The following CCR6 variants were observed in gnomAD, a reference collection of about 807,000 sequenced individuals.
CCR6 encodes C-C chemokine receptor type 6.
CCR6 carries 2 observed loss-of-function variants against 3.0 expected under a neutral mutation model. The ratio of observed to expected loss-of-function variants is 0.66; its 90% CI spans 0.27 to 2.07. CCR6 has a LOEUF of 2.07. CCR6 is among the 30% of genes most tolerant of loss of function. The pLI is 0.14. For missense variants in CCR6, 322 were observed against 462.8 expected, an observed-to-expected ratio of 0.70 and a Z score of 2.79; for synonymous variants, 193 against 184.3, an observed-to-expected ratio of 1.05 and a Z score of -0.38.
At chr6:167,126,027 G>C (rs1159002817) in intron 1 of CCR6, among the ~76,000 whole-genome samples, 6 of 152,132 alleles carry the variant, frequency 3.9e-5, no homozygotes, top group African/African-American at 1.4e-4. Context: ...TGAGATCCTA[G>C]TACATTTGCA....
intron 1 of CCR6, among the ~76,000 whole-genome samples, chr6:167,114,587 C>T (rs1781465660): frequency 6.6e-6 from 1 of 152,250 alleles, no homozygotes; most frequent in Non-Finnish European, 1.5e-5. Context: ...CAAACCCTGG[C>T]ACGGAGATGA....
intron 1 of CCR6, among the ~76,000 whole-genome samples, chr6:167,116,397 G>A (rs1781494012): frequency 6.6e-6 from 1 of 152,058 alleles, no homozygotes; most frequent in African/African-American, 2.4e-5. Context: ...GACCTTTCTG[G>A]CTTGACACCC....
Position 167,138,354 on chromosome 6 carries a change from A to G in CCR6, c.*999A>G, listed in dbSNP as rs1013317184. 14 of 152,114 alleles carry G rather than the reference A, an allele frequency of 9.2e-5. No homozygotes were observed. Among genetic ancestry groups the G allele is most frequent in the African/African-American group, 3.4e-4 (14 of 41,362 alleles). 9.4% of individuals were successfully genotyped at this position (152,114 alleles called of 1,614,324 possible). ...AAGCAACTTTACTGAGACAATGTAG[A>G]AAGAAGTTTTGTTCCGTTTCTTTAA... On this transcript the variant is annotated 3_prime_UTR_variant, in exon 3 of 3. Coordinates refer to ENST00000341935, the MANE Select transcript of CCR6 (RefSeq NM_031409.4).
upstream of CCR6, among the ~76,000 whole-genome samples, chr6:167,120,231 G>C (rs530054003): frequency 1.3e-5 from 2 of 152,210 alleles, no homozygotes; most frequent in Middle Eastern, 3.4e-3. Context: ...GGCTCGATTG[G>C]GCTGGGGGAC....
At chr6:167,126,940 C>T (rs1781676825) in intron 1 of CCR6, among the ~76,000 whole-genome samples, 1 of 152,266 alleles carries the variant, frequency 6.6e-6, no homozygotes, top group Admixed American at 6.5e-5. Flanking sequence ...TTGTCAGTTT[C>T]CTGAGGCCTC....
rs1781858500 is a variant in CCR6 at position 167,136,917 on chromosome 6, C to T, written c.687C>T (p.Phe229=). ...TTGGTTTCTTTATCCCTTTGATGTTCATGATATTTTGTTACACGTTCATTG... is the reference window on the plus strand; with the variant it reads ...TTGGTTTCTTTATCCCTTTGATGTTTATGATATTTTGTTACACGTTCATTG... The part of the protein sequence containing the change: ...LLFGFFIPLM[F]MIFCYTFIVK... The change falls in exon 3 of 3, where the codon TTC becomes TTT. Residue 229 remains phenylalanine, a synonymous_variant. Coordinates refer to ENST00000341935, the MANE Select transcript of CCR6 (RefSeq NM_031409.4). This position sits in a 1 kb window ranked among gnomAD's most constrained non-coding sequence, Gnocchi z 4.6. 6.8e-6 allele frequency: 11 copies of T among 1,614,072 alleles called. No homozygotes were observed. The highest frequency in any genetic ancestry group is 9.3e-6 in the Non-Finnish European group (11 of 1,180,044).
Position 167,136,403 on chromosome 6 carries a change from T to C in CCR6, c.173T>C (p.Val58Ala). Residue 58 changes from valine (V) to alanine (A), a missense_variant, in exon 3 of 3, where the codon GTC (valine) becomes GCC (alanine). Transcript: ENST00000341935. This position sits in a 1 kb window ranked among gnomAD's most constrained non-coding sequence, Gnocchi z 4.6. ...CCGATTGCCTACTCCTTGATCTGTG[T>C]CTTTGGCCTCCTGGGGAATATTCTG... ...FVPIAYSLIC[V>A]FGLLGNILVV... is the part of the protein sequence containing the mutation. 1 of 1,614,040 alleles carries C rather than the reference T, an allele frequency of 6.2e-7. No homozygotes were observed.
chr6:167,127,094 TA>T (rs1329864369), intron 1 of CCR6: 1 of 152,230 alleles, frequency 6.6e-6, no homozygotes, highest in East Asian at 1.9e-4. Context: ...CATCTATAAT[TA>T]TATAGATTAT....
At chr6:167,126,903 A>T (rs188964518) in intron 1 of CCR6, among the ~76,000 whole-genome samples, 3 of 152,206 alleles carry the variant, frequency 2.0e-5, no homozygotes, top group Admixed American at 1.3e-4. Context: ...GTGAAGAAGG[A>T]TGTGTTTGCT....
rs370635826 is a variant in CCR6, at chr6:167,136,722, C to T, written c.492C>T (p.Ser164=). 116 of 1,613,990 alleles carry T rather than the reference C, an allele frequency of 7.2e-5. No homozygotes were observed. Among genetic ancestry groups the T allele is most frequent in the Non-Finnish European group, 9.2e-5 (108 of 1,180,052 alleles). ...FRLRSRTLPR[S]KIICLVVWGL... ...TCCGATCCAGAACACTACCGCGCAG[C>T]AAAATCATCTGCCTTGTTGTGTGGG... is the stretch of plus-strand genomic sequence containing the variant. Residue 164 remains serine, a synonymous_variant, in exon 3 of 3, where the codon AGC becomes AGT. Coordinates refer to ENST00000341935, the MANE Select transcript of CCR6 (RefSeq NM_031409.4). The surrounding 1 kb of genome is among the most constrained non-coding windows in gnomAD (Gnocchi z 4.6).
chr6:167,114,091 A>C (rs572161809), intron 1 of CCR6, among the ~76,000 whole-genome samples: 1 of 152,368 alleles, frequency 6.6e-6, no homozygotes, highest in Non-Finnish European at 1.5e-5. Context: ...CGCAGCAGAC[A>C]GGATCAAGAT....
chr6:167,134,229 C>G (rs1044346247), intron 1 of CCR6, among the ~76,000 whole-genome samples: 7 of 152,002 alleles, frequency 4.6e-5, no homozygotes, highest in Non-Finnish European at 1.0e-4. Context: ...GTTGATCCAC[C>G]GTGGCTGGAA....
chr6:167,137,581 C>T lies in CCR6; in HGVS notation c.*226C>T, dbSNP rs1462888142. The T allele has an allele frequency of 2.0e-6, 1 of 488,634 alleles. No homozygotes were observed. Among genetic ancestry groups the T allele is most frequent in the Non-Finnish European group, 3.6e-6 (1 of 275,790 alleles). The allele number at this position is 488,634 out of a possible 1,614,324, so 30.3% of individuals were successfully genotyped here. On this transcript the variant is annotated 3_prime_UTR_variant, in exon 3 of 3. Coordinates refer to ENST00000341935, the MANE Select transcript of CCR6 (RefSeq NM_031409.4). This position sits in a 1 kb window ranked among gnomAD's most constrained non-coding sequence, Gnocchi z 4.6. Reference sequence around the variant, plus strand: ...ACTTTGCAAGGAATGTTTTGTAGCTCTAGGGTATATATCCGCCTGGCATTT... The same window carrying T: ...ACTTTGCAAGGAATGTTTTGTAGCTTTAGGGTATATATCCGCCTGGCATTT...
intron 1 of CCR6, among the ~76,000 whole-genome samples, chr6:167,124,802 C>CAT (rs1383932820): frequency 7.1e-6 from 1 of 140,004 alleles, no homozygotes; most frequent in Non-Finnish European, 1.5e-5. Flanking sequence ...TATGCGCGCA[C>CAT]ACACACACAC....
chr6:167,120,830 A>G (rs1029533853), upstream of CCR6: 2 of 152,388 alleles, frequency 1.3e-5, no homozygotes, highest in South Asian at 2.1e-4. Context: ...GGAAGTTTCA[A>G]TAAGAGTGAG....
chr6:167,117,247 T>C (rs6916486), intron 1 of CCR6, among the ~76,000 whole-genome samples: 63,308 of 148,480 alleles, frequency 0.43, 14,220 homozygotes, highest in Admixed American at 0.53. Context: ...CATCCCTCCC[T>C]ACCACAGCCT....
upstream of CCR6, among the ~76,000 whole-genome samples, chr6:167,119,656 A>C (rs1384845795): frequency 6.6e-6 from 1 of 152,248 alleles, no homozygotes; most frequent in Admixed American, 6.5e-5. Context: ...ACATCTTCGT[A>C]AACTCCAAAA....
At chr6:167,114,397 T>C (rs1781462753) in intron 1 of CCR6, among the ~76,000 whole-genome samples, 1 of 152,294 alleles carries the variant, frequency 6.6e-6, no homozygotes, top group African/African-American at 2.4e-5. Context: ...GAGTTCAGAA[T>C]CACAGGACCG....
intron 1 of CCR6, among the ~76,000 whole-genome samples, chr6:167,117,418 T>TC (rs1356965809): frequency 5.9e-5 from 7 of 119,506 alleles, no homozygotes; most frequent in Middle Eastern, 4.0e-3. Flanking sequence ...TTTTTTTCTT[T>TC]TTTTTTTTTT....
Sources: allele counts gnomAD v4.1 joint callset (sites outside exome capture counted in the v4.1 genomes callset), GRCh38; gene constraint gnomAD v4.1.1; non-coding constraint Gnocchi (gnomAD v3.1); transcripts MANE v1.5; gene names NCBI Gene and HGNC (gene_info 2026-07-23, HGNC 2026-07-21).